The following IKBKB variants were observed in gnomAD, a reference collection of about 807,000 sequenced individuals.
IKBKB encodes inhibitor of nuclear factor kappa B kinase subunit beta, also known as inhibitor of nuclear factor kappa-B kinase subunit beta.
A neutral mutation model predicts 113.6 loss-of-function variants in IKBKB; 42 were observed. That is an observed-to-expected ratio of 0.37 (90% confidence interval 0.29 to 0.48). The LOEUF (loss-of-function observed/expected upper bound fraction) is 0.48. Ranked by LOEUF, IKBKB falls within the 20% of genes least tolerant of loss-of-function variation. The pLI, the probability that IKBKB is intolerant of heterozygous loss-of-function variation, is 0.99. For missense variants in IKBKB, 673 were observed against 939.7 expected, an observed-to-expected ratio of 0.72 and a Z score of 3.71; for synonymous variants, 296 against 361.3, an observed-to-expected ratio of 0.82 and a Z score of 2.05.
chr8:42,331,691 T>TCATA lies in IKBKB; in HGVS notation c.*713_*716dup. ...TGTGGTCCTTTCTGCCAAGAGCGAC[T>TCATA]CATAGTAACCAGGATGGGAGAGCAG... is the stretch of plus-strand genomic sequence containing the variant. On this transcript the variant is annotated 3_prime_UTR_variant, in exon 22 of 22. Transcript: ENST00000520810. 4.3e-6 allele frequency: 2 copies of TCATA among 467,460 alleles called. No individual in the cohort carries two copies. Among genetic ancestry groups the TCATA allele is most frequent in the Non-Finnish European group, 3.9e-6 (1 of 256,152 alleles). 29.0% of individuals were successfully genotyped at this position (467,460 alleles called of 1,614,324 possible).
rs199681053 is a variant in IKBKB at position 42,322,374 on chromosome 8, G to A, written c.1866G>A (p.Ala622=). 3.5e-5 allele frequency: 56 copies of A among 1,613,816 alleles called. No individual in the cohort carries two copies. In the African/African-American group the frequency reaches 4.1e-4, roughly 12 times the overall value. Residue 622 remains alanine, a synonymous_variant, in exon 19 of 22, where the codon GCG becomes GCA. Transcript: ENST00000520810. The stretch of plus-strand genomic sequence containing the variant: ...AAACTGTGGTTTGCAAGCAGAAGGC[G>A]CTGGAACTGTTGCCCAAGGTGGAAG... The part of the protein sequence containing the change: ...LSKTVVCKQK[A]LELLPKVEEV...
intron 4 of IKBKB, among the ~76,000 whole-genome samples, chr8:42,291,338 C>G (rs563510271): frequency 1.3e-5 from 2 of 152,102 alleles, no homozygotes; most frequent in East Asian, 1.9e-4. Context: ...CCCGCCCCCA[C>G]GCCTGGCTAA....
rs1326752693 is a variant in IKBKB, at chr8:42,271,421, C to G, written c.-67C>G. ...CCGGGTTTGGCCGCCCCAGCCCCGC[C>G]TTCCCCGCCCCGGGGAGCCCGCCCC... is the stretch of plus-strand genomic sequence containing the variant. On this transcript the variant is annotated 5_prime_UTR_variant, in exon 1 of 22. Coordinates refer to ENST00000520810, the MANE Select transcript of IKBKB (RefSeq NM_001556.3). The G allele has an allele frequency of 7.3e-6, 11 of 1,503,372 alleles. No individual in the cohort carries two copies. The highest frequency in any genetic ancestry group is 9.8e-6 in the Non-Finnish European group (11 of 1,120,786). The allele number at this position is 1,503,372 out of a possible 1,614,324, so 93.1% of individuals were successfully genotyped here.
At chr8:42,313,152 T>C (rs1386838536) in intron 8 of IKBKB, among the ~76,000 whole-genome samples, 3 of 152,252 alleles carry the variant, frequency 2.0e-5, no homozygotes, top group Non-Finnish European at 4.4e-5. Flanking sequence ...GCCATTTGTA[T>C]GTAGATTATT....
intron 2 of IKBKB, among the ~76,000 whole-genome samples, chr8:42,287,532 G>A (rs1048776229): frequency 1.3e-5 from 2 of 152,264 alleles, no homozygotes; most frequent in Non-Finnish European, 1.5e-5. Flanking sequence ...GGGTGGGGCC[G>A]TCTGGCTGTA....
chr8:42,299,974 C>A (rs1222613279), intron 5 of IKBKB, among the ~76,000 whole-genome samples: 1 of 152,210 alleles, frequency 6.6e-6, no homozygotes, highest in Non-Finnish European at 1.5e-5. Context: ...GCCAGTTGAC[C>A]AGACTGTGCA....
intron 7 of IKBKB, among the ~76,000 whole-genome samples, chr8:42,307,980 C>T (rs1753341263): frequency 6.6e-6 from 1 of 152,212 alleles, no homozygotes; most frequent in African/African-American, 2.4e-5. Flanking sequence ...GTCTGCACCC[C>T]CAGCACCCCG....
At chr8:42,308,556 C>T (rs556900616) in intron 7 of IKBKB, among the ~76,000 whole-genome samples, 22 of 152,248 alleles carry the variant, frequency 1.4e-4, no homozygotes, top group East Asian at 7.7e-4. Flanking sequence ...CCTCGGCCTC[C>T]CAAAGTGCTG....
intron 8 of IKBKB, among the ~76,000 whole-genome samples, chr8:42,310,569 C>G (rs988327843): frequency 1.3e-5 from 2 of 152,150 alleles, no homozygotes; most frequent in African/African-American, 4.8e-5. Context: ...GCCAATTTAT[C>G]TGCAACACAA....
intron 5 of IKBKB, among the ~76,000 whole-genome samples, chr8:42,300,841 G>C (rs1815044869): frequency 6.6e-6 from 1 of 152,184 alleles, no homozygotes; most frequent in Admixed American, 6.5e-5. Context: ...ACACTGCACT[G>C]TGTCGTTTAT....
intron 11 of IKBKB, 74 bp from the exon 12 acceptor site, chr8:42,317,582 TG>T: frequency 1.0e-6 from 1 of 972,058 alleles, no homozygotes; most frequent in Non-Finnish European, 1.7e-6. Context: ...GGGAAAGCTG[TG>T]GAACTTCTTC....
At chr8:42,323,570 G>A (rs1345374955) in intron 19 of IKBKB, among the ~76,000 whole-genome samples, 1 of 152,236 alleles carries the variant, frequency 6.6e-6, no homozygotes, top group African/African-American at 2.4e-5. Flanking sequence ...AGAGCAAAGG[G>A]AAGGAGAGAG....
chr8:42,271,383 G>T lies in IKBKB; in HGVS notation c.-105G>T, dbSNP rs898199620. The T allele has an allele frequency of 4.0e-6, 6 of 1,509,562 alleles. No homozygotes were observed. In the African/African-American group the frequency reaches 5.5e-5, roughly 14 times the overall value. The allele number at this position is 1,509,562 out of a possible 1,614,324, so 93.5% of individuals were successfully genotyped here. On this transcript the variant is annotated 5_prime_UTR_variant, in exon 1 of 22. Coordinates refer to ENST00000520810, the MANE Select transcript of IKBKB (RefSeq NM_001556.3). ...TTCCCGCATTTTAATGTTTTCAGGG[G>T]GGTGTCATAGCCCCGGGTTTGGCCG... is the stretch of plus-strand genomic sequence containing the variant.
At chr8:42,272,493 C>CCTG in intron 2 of IKBKB, 1 of 506,522 alleles carries the variant, frequency 2.0e-6, no homozygotes, top group East Asian at 3.1e-5. Flanking sequence ...CTAATATATA[C>CCTG]TGATATTATA....
At chr8:42,326,145 G>A (rs767486383) in intron 20 of IKBKB, 48 bp downstream of exon 20, 5 of 1,608,284 alleles carry the variant, frequency 3.1e-6, no homozygotes, top group Non-Finnish European at 4.3e-6. Context: ...GGGCACGTCA[G>A]GAGATCGGGG....
chr8:42,290,875 G>T (rs1812478557), intron 4 of IKBKB, among the ~76,000 whole-genome samples: 1 of 152,190 alleles, frequency 6.6e-6, no homozygotes, highest in African/African-American at 2.4e-5. Flanking sequence ...CACTTCTGGT[G>T]GGTGGATGGC....
chr8:42,311,565 A>AC (rs938093100), intron 8 of IKBKB, among the ~76,000 whole-genome samples: 10 of 148,554 alleles, frequency 6.7e-5, no homozygotes, highest in Non-Finnish European at 1.2e-4. Flanking sequence ...CATCTTACCA[A>AC]AAAAAAAAAA....
chr8:42,329,128 G>A lies in IKBKB; in HGVS notation c.2119G>A (p.Glu707Lys), dbSNP rs753511458. 1.1e-5 allele frequency: 17 copies of A among 1,603,080 alleles called. No homozygotes were observed. In the Admixed American group the frequency reaches 3.0e-4, roughly 28 times the overall value. The change falls in exon 21 of 22, where the codon GAA (glutamate) becomes AAA (lysine). Residue 707 changes from glutamate (E) to lysine (K), a missense_variant. Coordinates refer to ENST00000520810, the MANE Select transcript of IKBKB (RefSeq NM_001556.3). ...SLPEPAKKSEELVAEAHNLCT... is the reference protein window; with the variant it reads ...SLPEPAKKSEKLVAEAHNLCT... ...TAATTTGATCATTTTCTTTAGTGAA[G>A]AACTGGTGGCTGAAGCACATAACCT... is the stretch of plus-strand genomic sequence containing the variant.
intron 2 of IKBKB, among the ~76,000 whole-genome samples, chr8:42,272,935 G>A (rs147199288): frequency 0.081 from 9,613 of 118,116 alleles, 643 homozygotes; most frequent in African/African-American, 0.23. Flanking sequence ...GTGAGACTCC[G>A]TCTCAAAAAA....
Sources: gnomAD v4.1 joint callset for allele counts (sites outside exome capture counted in the v4.1 genomes callset) on GRCh38, gnomAD v4.1.1 for gene constraint, MANE v1.5 for transcripts, NCBI Gene and HGNC (gene_info 2026-07-23, HGNC 2026-07-21) for gene names.